The following TMEM38B variants were observed in gnomAD, a reference collection of about 807,000 sequenced individuals.
The protein encoded by TMEM38B is transmembrane protein 38B.
Under a neutral mutation model 28.7 loss-of-function variants are expected in TMEM38B, and 24 were observed. The ratio of observed to expected loss-of-function variants is 0.84; its 90% CI spans 0.61 to 1.18. The LOEUF is 1.18. TMEM38B is among the 50% of genes most tolerant of loss of function. The probability of loss-of-function intolerance (pLI) is 0.00; values close to 1 mark genes in which losing one functional copy is unlikely to be tolerated. For missense variants in TMEM38B, 380 were observed against 350.9 expected (o/e 1.08, Z -0.66); for synonymous variants, 131 against 127.7 (o/e 1.03, Z -0.17).
At chr9:105,763,108 T>C (rs1838125404) in intron 5 of TMEM38B, among the ~76,000 whole-genome samples, 1 of 150,230 alleles carries the variant, frequency 6.7e-6, no homozygotes. Context: ...TGGGGTTGTT[T>C]GTTTTTTTCT....
chr9:105,758,805 G>A (rs547217069), intron 5 of TMEM38B: 28 of 884,108 alleles, frequency 3.2e-5, no homozygotes, highest in South Asian at 1.2e-4. Flanking sequence ...GGAAAATTCC[G>A]AGAAAATAAA....
intron 1 of TMEM38B, among the ~76,000 whole-genome samples, chr9:105,698,615 G>T: frequency 6.6e-6 from 1 of 151,742 alleles, no homozygotes; most frequent in African/African-American, 2.4e-5. Flanking sequence ...AATTCATTAG[G>T]GATTTTGATT....
intron 2 of TMEM38B, 30 bp downstream of exon 2, chr9:105,705,783 C>G (rs776150136): frequency 6.3e-7 from 1 of 1,583,798 alleles, no homozygotes; most frequent in Non-Finnish European, 8.6e-7. Context: ...ACCTATGTGA[C>G]ATTTAAACAA....
intron 5 of TMEM38B, among the ~76,000 whole-genome samples, chr9:105,751,712 G>T (rs1837660185): frequency 6.6e-6 from 1 of 152,198 alleles, no homozygotes; most frequent in African/African-American, 2.4e-5. Context: ...GGGAGGGGCG[G>T]CTGGCATCTA....
chr9:105,701,734 G>T (rs1422112754), intron 1 of TMEM38B: 3 of 152,180 alleles, frequency 2.0e-5, no homozygotes, highest in African/African-American at 7.2e-5. Flanking sequence ...TACTTTGTTG[G>T]TGAGGAGAGG....
Position 105,737,802 on chromosome 9 carries a change from G to T in TMEM38B, c.543-10271G>T, listed in dbSNP as rs116333154. The stretch of plus-strand genomic sequence containing the variant: ...TCAGCTCCGGTGCTGCTTTGGCTCA[G>T]GTGTCAGAGGTGTGACTGCTCTGCT... On this transcript the variant is annotated intron_variant, in intron 4 of 5. Coordinates refer to ENST00000374692, the MANE Select transcript of TMEM38B (RefSeq NM_018112.3). Among the ~76,000 whole-genome samples, 359 of 152,296 alleles carry T rather than the reference G, an allele frequency of 2.4e-3. 2 individuals are homozygous for T. The highest frequency in any genetic ancestry group is 8.3e-3 in the African/African-American group (346 of 41,572).
intron 2 of TMEM38B, among the ~76,000 whole-genome samples, chr9:105,707,974 C>G (rs543939151): frequency 1.3e-5 from 2 of 152,124 alleles, no homozygotes; most frequent in Non-Finnish European, 2.9e-5. Context: ...GATGCTGAAA[C>G]TATACAAAAA....
intron 3 of TMEM38B, 67 bp from the exon 4 acceptor site, chr9:105,722,467 G>C: frequency 1.6e-6 from 2 of 1,212,368 alleles, no homozygotes; most frequent in Non-Finnish European, 2.4e-6. Flanking sequence ...TAGAATTATG[G>C]CTCCCTTTAA....
At chr9:105,764,241 G>A (rs1335315829) in intron 5 of TMEM38B, among the ~76,000 whole-genome samples, 1 of 152,158 alleles carries the variant, frequency 6.6e-6, no homozygotes, top group African/African-American at 2.4e-5. Flanking sequence ...GGGCAATTAA[G>A]CAGGAGAAGG....
chr9:105,735,647 C>A (rs980685198), intron 4 of TMEM38B, among the ~76,000 whole-genome samples: 4 of 152,182 alleles, frequency 2.6e-5, no homozygotes, highest in African/African-American at 9.6e-5. Context: ...GTTGAGAAGT[C>A]AACTAATGAT....
intron 1 of TMEM38B, among the ~76,000 whole-genome samples, chr9:105,697,039 C>T (rs112483939): frequency 1.3e-3 from 201 of 152,190 alleles, no homozygotes; most frequent in African/African-American, 4.6e-3. Context: ...TTGGGGTTGT[C>T]AAGAAATTTA....
At chr9:105,727,582 T>G (rs1836560409) in intron 4 of TMEM38B, among the ~76,000 whole-genome samples, 1 of 152,228 alleles carries the variant, frequency 6.6e-6, no homozygotes, top group African/African-American at 2.4e-5. Context: ...AATGAGCCTT[T>G]CTTTTGATCA....
At chr9:105,694,855 C>A (rs567962441) in intron 1 of TMEM38B, 83 bp downstream of exon 1, 2 of 43,800 alleles carry the variant, frequency 4.6e-5, no homozygotes, top group African/African-American at 2.0e-4. Context: ...TCGGGTGGGT[C>A]GGGTGGGCGG....
chr9:105,758,547 C>G, intron 5 of TMEM38B: 2 of 1,234,610 alleles, frequency 1.6e-6, no homozygotes, highest in Non-Finnish European at 2.4e-6. Context: ...GACTATCCAA[C>G]TGTTGAGGAA....
At chr9:105,703,976 G>C (rs540463765) in intron 1 of TMEM38B, among the ~76,000 whole-genome samples, 2 of 150,526 alleles carry the variant, frequency 1.3e-5, no homozygotes, top group African/African-American at 4.9e-5. Context: ...GTAAACTATC[G>C]CAAGAACAAA....
At position 105,704,268 on chromosome 9, in the gene TMEM38B, G is replaced by A. The variant is rs554586769; in HGVS notation, c.113-1329G>A. The stretch of plus-strand genomic sequence containing the variant: ...AAAAATTAGCCTGGTGTGGTGGCGC[G>A]TGCCTATAATCCCAGCTACTTGGGA... On this transcript the variant is annotated intron_variant, in intron 1 of 5. Transcript: ENST00000374692. Among the ~76,000 whole-genome samples, 8 of 152,088 alleles carry A rather than the reference G, an allele frequency of 5.3e-5. No homozygotes were observed. The South Asian group carries it at 8.3e-4, about 16-fold the overall frequency.
At chr9:105,750,140 C>T (rs1418620291) in intron 5 of TMEM38B, among the ~76,000 whole-genome samples, 3 of 152,268 alleles carry the variant, frequency 2.0e-5, no homozygotes, top group East Asian at 1.9e-4. Flanking sequence ...TGTATATCTT[C>T]TTTGGGAAAA....
intron 1 of TMEM38B, among the ~76,000 whole-genome samples, chr9:105,703,370 C>T (rs551198051): frequency 6.6e-5 from 10 of 152,318 alleles, no homozygotes; most frequent in Admixed American, 3.9e-4. Context: ...CTACAAAGGA[C>T]ATGAACTCAT....
chr9:105,726,660 C>G (rs10978222), intron 4 of TMEM38B, among the ~76,000 whole-genome samples: 31,979 of 151,992 alleles, frequency 0.21, 5,229 homozygotes, highest in East Asian at 0.46. Context: ...AAGAGGCCAG[C>G]TGCAGTGGCT....
Sources: gnomAD v4.1 joint callset for allele counts (sites outside exome capture counted in the v4.1 genomes callset) on GRCh38, gnomAD v4.1.1 for gene constraint, MANE v1.5 for transcripts, NCBI Gene and HGNC (gene_info 2026-07-23, HGNC 2026-07-21) for gene names.